PFDN1: variants seen among roughly 807,000 people sequenced by gnomAD.
The protein encoded by PFDN1 is prefoldin 1.
Under a neutral mutation model 17.3 loss-of-function variants are expected in PFDN1, and 6 were observed. That is an observed-to-expected ratio of 0.35 (90% CI 0.19 to 0.69). The LOEUF (loss-of-function observed/expected upper bound fraction) is 0.69, where lower values mean the gene tolerates loss of function less well. Ranked by LOEUF, PFDN1 falls within the 30% of genes least tolerant of loss-of-function variation. The pLI is 0.65. For synonymous variants in PFDN1, 58 were observed against 50.1 expected, an observed-to-expected ratio of 1.16 and a Z score of -0.67; for missense variants, 113 against 146.2, an observed-to-expected ratio of 0.77 and a Z score of 1.17.
intron 3 of PFDN1, among the ~76,000 whole-genome samples, chr5:140,269,372 G>A (rs1765174391): frequency 6.7e-6 from 1 of 150,210 alleles, no homozygotes; most frequent in Middle Eastern, 3.5e-3. Context: ...AGGCTGGAGT[G>A]CAATGGCATG....
At chr5:140,249,049 GACCTTTCTAACT>G (rs1362519757) in intron 3 of PFDN1, among the ~76,000 whole-genome samples, 5 of 152,174 alleles carry the variant, frequency 3.3e-5, no homozygotes, top group African/African-American at 1.2e-4. Flanking sequence ...TAACATAGTG[GACCTTTCTAACT>G]GTATTTCAAT....
chr5:140,290,845 T>C (rs1765569919), intron 2 of PFDN1, among the ~76,000 whole-genome samples: 1 of 152,176 alleles, frequency 6.6e-6, no homozygotes, highest in East Asian at 1.9e-4. Context: ...GAAAGACATC[T>C]GATACCATAG....
At chr5:140,297,249 T>C (rs1280439483) in intron 2 of PFDN1, among the ~76,000 whole-genome samples, 1 of 152,138 alleles carries the variant, frequency 6.6e-6, no homozygotes, top group East Asian at 1.9e-4. Context: ...CTAGTCAGAA[T>C]TCCCAAATAA....
chr5:140,253,995 T>G, intron 3 of PFDN1, among the ~76,000 whole-genome samples: 1 of 152,176 alleles, frequency 6.6e-6, no homozygotes, highest in East Asian at 1.9e-4. Flanking sequence ...ACACTGAAGT[T>G]TGAGACTCAA....
At chr5:140,286,535 A>G (rs1285346596) in intron 2 of PFDN1, among the ~76,000 whole-genome samples, 1 of 145,324 alleles carries the variant, frequency 6.9e-6, no homozygotes, top group Non-Finnish European at 1.5e-5. Flanking sequence ...GAAAAGAAAG[A>G]GAGAGCTTTT....
At chr5:140,299,920 G>T (rs1336556689) in intron 2 of PFDN1, among the ~76,000 whole-genome samples, 1 of 151,912 alleles carries the variant, frequency 6.6e-6, no homozygotes, top group Non-Finnish European at 1.5e-5. Flanking sequence ...GCTGAAGCAG[G>T]GGAATCGCTT....
intron 3 of PFDN1, among the ~76,000 whole-genome samples, chr5:140,253,620 A>G (rs1764947542): frequency 6.6e-6 from 1 of 152,178 alleles, no homozygotes; most frequent in African/African-American, 2.4e-5. Context: ...CAACTGTCCT[A>G]ATGCAATATG....
rs191065282 is a variant in PFDN1, at chr5:140,252,819, T to A, written c.286-6762A>T. On this transcript the variant is annotated intron_variant, in intron 3 of 3. Transcript: ENST00000261813. The stretch of plus-strand genomic sequence containing the variant: ...AGGCAGGATGGAAAATGGGACAGCA[T>A]GGCCACGGCTGCAGCAGGCAGGGGC... Among the ~76,000 whole-genome samples, 145 of 152,266 alleles carry A rather than the reference T, an allele frequency of 9.5e-4. 1 individual carries two copies. In the Middle Eastern group the frequency reaches 0.014, roughly 14 times the overall value.
intron 3 of PFDN1, among the ~76,000 whole-genome samples, chr5:140,272,799 ATTT>A (rs2126687124): frequency 6.6e-6 from 1 of 152,250 alleles, no homozygotes; most frequent in South Asian, 2.1e-4. Flanking sequence ...ACAACATTTG[ATTT>A]ACTGGCCTGG....
chr5:140,282,552 A>G (rs1237463872), intron 2 of PFDN1, among the ~76,000 whole-genome samples: 1 of 152,184 alleles, frequency 6.6e-6, no homozygotes, highest in Non-Finnish European at 1.5e-5. Context: ...TATTATTTCC[A>G]GAGTGTATAT....
intron 3 of PFDN1, chr5:140,280,953 C>T (rs1274190579): frequency 6.6e-6 from 1 of 152,162 alleles, no homozygotes; most frequent in Non-Finnish European, 1.5e-5. Context: ...GGAGCACCAT[C>T]CTTCAGATAG....
At chr5:140,299,943 C>A (rs576163368) in intron 2 of PFDN1, among the ~76,000 whole-genome samples, 1 of 152,100 alleles carries the variant, frequency 6.6e-6, no homozygotes, top group Non-Finnish European at 1.5e-5. Flanking sequence ...ACCCAGGAGA[C>A]GGAGATTGCA....
At chr5:140,299,840 C>G (rs992119964) in intron 2 of PFDN1, among the ~76,000 whole-genome samples, 2 of 151,630 alleles carry the variant, frequency 1.3e-5, no homozygotes, top group Non-Finnish European at 2.9e-5. Context: ...GGTAAAACCC[C>G]GTCTCTACTA....
rs752293659 is a variant in PFDN1 at position 140,294,225 on chromosome 5, T to C, written c.200+6191A>G. On this transcript the variant is annotated intron_variant, in intron 2 of 3. Transcript: ENST00000261813. ...CCTGTAGTATGCACTAAATAAAATA[T>C]CCAAATTTGATTCTGCTGAGAGCAA... is the stretch of plus-strand genomic sequence containing the variant. 6.6e-5 allele frequency among the ~76,000 whole-genome samples: 10 copies of C among 152,136 alleles called. No homozygotes were observed. The East Asian group carries it at 1.5e-3, about 23-fold the overall frequency.
In PFDN1 at chr5:140,256,658, C is replaced by CAAAA. The variant is rs757723797; in HGVS notation, c.286-10605_286-10602dup. Among the ~76,000 whole-genome samples the CAAAA allele has an allele frequency of 4.7e-3, 187 of 39,840 alleles. 6 individuals carry two copies. Among genetic ancestry groups the CAAAA allele is most frequent in the African/African-American group, 0.01 (147 of 14,020 alleles). The allele number at this position is 39,840 out of a possible 152,430, so 26.1% of individuals were successfully genotyped here. On this transcript the variant is annotated intron_variant, in intron 3 of 3. Coordinates refer to ENST00000261813, the MANE Select transcript of PFDN1 (RefSeq NM_002622.5). ...GCTCAATGTAAAAAACAAAAAATGA[C>CAAAA]AAAAAAAAAAAAAAAAAAAAAAAAG... is the stretch of plus-strand genomic sequence containing the variant.
chr5:140,252,398 T>C (rs190875243), intron 3 of PFDN1, among the ~76,000 whole-genome samples: 2 of 152,318 alleles, frequency 1.3e-5, no homozygotes, highest in African/African-American at 4.8e-5. Flanking sequence ...AGAGACCCTC[T>C]GCTGGGAGTC....
chr5:140,258,838 A>G (rs1441821896), intron 3 of PFDN1, among the ~76,000 whole-genome samples: 1 of 152,208 alleles, frequency 6.6e-6, no homozygotes, highest in Non-Finnish European at 1.5e-5. Context: ...AGACATCCAA[A>G]TGAGATGTGA....
chr5:140,266,464 C>T (rs1055215431), intron 3 of PFDN1, among the ~76,000 whole-genome samples: 5 of 152,184 alleles, frequency 3.3e-5, no homozygotes, highest in Admixed American at 3.3e-4. Flanking sequence ...GTATGCTTTC[C>T]CAAGATATTT....
chr5:140,286,612 GGGGGGGGGC>G (rs1765497471), intron 2 of PFDN1, among the ~76,000 whole-genome samples: 1 of 51,840 alleles, frequency 1.9e-5, no homozygotes, highest in African/African-American at 7.1e-5. Context: ...GGGGGGGGGG[GGGGGGGGGC>G]GGGGGAGACA....
Sources: allele counts gnomAD v4.1 joint callset (sites outside exome capture counted in the v4.1 genomes callset), GRCh38; gene constraint gnomAD v4.1.1; transcripts MANE v1.5; gene names NCBI Gene and HGNC (gene_info 2026-07-23, HGNC 2026-07-21).